RFX7: variants seen among roughly 807,000 people sequenced by gnomAD.
The protein encoded by RFX7 is regulatory factor X7, also known as DNA-binding protein RFX7.
Under a neutral mutation model 111.8 loss-of-function variants are expected in RFX7, and 26 were observed. The ratio of observed to expected loss-of-function variants is 0.23; its 90% confidence interval spans 0.17 to 0.32. RFX7 has a LOEUF of 0.32. RFX7 is among the 10% of genes least tolerant of loss of function. RFX7 has a pLI of 1.00. For missense variants in RFX7, 1,573 were observed against 1,772.9 expected, an observed-to-expected ratio of 0.89 and a Z score of 2.02; for synonymous variants, 624 against 624.4, an observed-to-expected ratio of 1.00 and a Z score of 0.01.
At chr15:56,177,249 C>T (rs1164886717) in intron 3 of RFX7, among the ~76,000 whole-genome samples, 1 of 152,130 alleles carries the variant, frequency 6.6e-6, no homozygotes, top group Non-Finnish European at 1.5e-5. Context: ...AATGTCATCT[C>T]CTCAGAGAAG....
intron 5 of RFX7, among the ~76,000 whole-genome samples, chr15:56,112,100 G>A (rs1303782293): frequency 6.7e-6 from 1 of 150,170 alleles, no homozygotes; most frequent in African/African-American, 2.5e-5. Context: ...GGGCAATAGA[G>A]GGACACTTTG....
intron 3 of RFX7, among the ~76,000 whole-genome samples, chr15:56,156,021 A>G (rs1202796769): frequency 6.6e-6 from 1 of 152,090 alleles, no homozygotes; most frequent in African/African-American, 2.4e-5. Context: ...AGTCAGCTCT[A>G]ATAAGTTTAC....
intron 3 of RFX7, among the ~76,000 whole-genome samples, chr15:56,162,912 T>G (rs186969481): frequency 1.3e-5 from 2 of 152,066 alleles, no homozygotes; most frequent in African/African-American, 4.8e-5. Context: ...ACTAAGTGAA[T>G]AGAAAGAAAA....
chr15:56,226,883 G>A (rs1167539703), intron 2 of RFX7, among the ~76,000 whole-genome samples: 9 of 152,086 alleles, frequency 5.9e-5, no homozygotes, highest in Admixed American at 6.6e-5. Flanking sequence ...CCCAAAACTC[G>A]GATGGGAGTG....
chr15:56,113,003 C>T (rs543547780), intron 5 of RFX7, among the ~76,000 whole-genome samples: 94 of 152,280 alleles, frequency 6.2e-4, no homozygotes, highest in African/African-American at 2.1e-3. Context: ...CAAGAAACAA[C>T]ACATGTTGGC....
In RFX7 at chr15:56,191,558, T is replaced by A. The variant is rs550236766; in HGVS notation, c.162-12255A>T. 2.0e-5 allele frequency among the ~76,000 whole-genome samples: 3 copies of A among 152,332 alleles called. No individual in the cohort carries two copies. In the South Asian group the frequency reaches 6.2e-4, roughly 32 times the overall value. Reference sequence around the variant, plus strand: ...TTTAAATATTTCATAATTTAAATGTTCATTTATTATTTTGGGGTTTCTTAA... The same window carrying A: ...TTTAAATATTTCATAATTTAAATGTACATTTATTATTTTGGGGTTTCTTAA... On this transcript the variant is annotated intron_variant, in intron 2 of 9. Transcript: ENST00000559447.
intron 5 of RFX7, among the ~76,000 whole-genome samples, chr15:56,138,296 C>T (rs2042335842): frequency 1.3e-5 from 2 of 148,490 alleles, no homozygotes; most frequent in African/African-American, 5.0e-5. Flanking sequence ...AATCTGGGTG[C>T]TCTTGTATTG....
At chr15:56,217,447 C>T (rs1429123580) in intron 2 of RFX7, among the ~76,000 whole-genome samples, 1 of 150,838 alleles carries the variant, frequency 6.6e-6, no homozygotes, top group Admixed American at 6.6e-5. Flanking sequence ...ACAATACTCC[C>T]TTTCTGAAGA....
rs552585509 is a variant in RFX7, at chr15:56,091,770, C to A, written c.*1575G>T. ...AGACATATCAATATATAAACCTCTG[C>A]GCCAACTCTAGCACCATTTATTTAT... On this transcript the variant is annotated 3_prime_UTR_variant, in exon 10 of 10. Coordinates refer to ENST00000559447, the MANE Select transcript of RFX7 (RefSeq NM_022841.7). 6.6e-6 allele frequency: 1 copy of A among 152,614 alleles called. No homozygotes were observed. The highest frequency in any genetic ancestry group is 6.5e-5 in the Admixed American group (1 of 15,278). 9.5% of individuals were successfully genotyped at this position (152,614 alleles called of 1,614,324 possible). A position where few individuals can be genotyped will look rare whatever the true frequency, so the allele number is the denominator to read the frequency against.
chr15:56,112,551 C>T (rs2041954237), intron 5 of RFX7, among the ~76,000 whole-genome samples: 1 of 151,994 alleles, frequency 6.6e-6, no homozygotes, highest in Admixed American at 6.6e-5. Flanking sequence ...CCATAAAAAT[C>T]CTAGAAGAAA....
At chr15:56,235,455 G>A (rs1316306916) in intron 2 of RFX7, among the ~76,000 whole-genome samples, 1 of 152,056 alleles carries the variant, frequency 6.6e-6, no homozygotes, top group East Asian at 1.9e-4. Flanking sequence ...TTCTCATCTT[G>A]TAGCTACTTG....
chr15:56,143,859 A>T lies in RFX7; in HGVS notation c.278+542T>A, dbSNP rs1270609164. Among the ~76,000 whole-genome samples the T allele has an allele frequency of 2.0e-5, 3 of 152,158 alleles. No individual in the cohort carries two copies. The East Asian group carries it at 5.8e-4, about 29-fold the overall frequency. ...GAGAAATACTTAAAAGGTTAAGGAA[A>T]CTCTTTTAAAAATTAGAATGACTGA... On this transcript the variant is annotated intron_variant, in intron 4 of 9. Transcript: ENST00000559447.
intron 5 of RFX7, among the ~76,000 whole-genome samples, chr15:56,115,232 G>C (rs1056436156): frequency 6.6e-6 from 1 of 152,110 alleles, no homozygotes; most frequent in Non-Finnish European, 1.5e-5. Context: ...GGCTGGTCTC[G>C]AACTCCTGAC....
At chr15:56,136,607 T>G (rs1439834008) in intron 5 of RFX7, among the ~76,000 whole-genome samples, 2 of 151,788 alleles carry the variant, frequency 1.3e-5, no homozygotes, top group East Asian at 3.9e-4. Context: ...ATACCCTTTA[T>G]TTCCTTCTCC....
At chr15:56,106,902 T>TA (rs2041836825) in intron 5 of RFX7, among the ~76,000 whole-genome samples, 1 of 152,176 alleles carries the variant, frequency 6.6e-6, no homozygotes, top group African/African-American at 2.4e-5. Flanking sequence ...CCAAGCAAGA[T>TA]ACAGTGTCAA....
chr15:56,230,492 T>TA (rs1271773983), intron 2 of RFX7, among the ~76,000 whole-genome samples: 1 of 152,202 alleles, frequency 6.6e-6, no homozygotes, highest in Non-Finnish European at 1.5e-5. Context: ...GGGAGAAAAT[T>TA]ACCACATTAT....
At chr15:56,124,706 T>C (rs1414549483) in intron 5 of RFX7, among the ~76,000 whole-genome samples, 3 of 152,248 alleles carry the variant, frequency 2.0e-5, no homozygotes, top group African/African-American at 7.2e-5. Context: ...AATCAGATTT[T>C]TCTTTGCGGC....
At chr15:56,167,460 T>C (rs568436748) in intron 3 of RFX7, among the ~76,000 whole-genome samples, 30 of 152,296 alleles carry the variant, frequency 2.0e-4, no homozygotes, top group Middle Eastern at 3.4e-3. Flanking sequence ...TGCTCTGGTG[T>C]TGGATATATC....
chr15:56,139,405 C>G (rs1055199440), intron 5 of RFX7, among the ~76,000 whole-genome samples: 4 of 152,224 alleles, frequency 2.6e-5, no homozygotes, highest in African/African-American at 9.7e-5. Context: ...CAGTTGATCG[C>G]ATCGGCTCCT....
Sources: gnomAD v4.1 joint callset for allele counts (sites outside exome capture counted in the v4.1 genomes callset) on GRCh38, gnomAD v4.1.1 for gene constraint, MANE v1.5 for transcripts, NCBI Gene and HGNC (gene_info 2026-07-23, HGNC 2026-07-21) for gene names.